The following SETD2 variants were observed in gnomAD, a reference collection of about 807,000 sequenced individuals.
SETD2 encodes the protein histone-lysine N-methyltransferase SETD2.
SETD2 carries 31 observed loss-of-function variants against 242.1 expected under a neutral mutation model. The observed-to-expected ratio is 0.13, with a 90% CI of 0.10 to 0.17. SETD2 has a LOEUF of 0.17. SETD2 is among the 10% of genes least tolerant of loss of function. The pLI, the probability that SETD2 is intolerant of heterozygous loss-of-function variation, is 1.00. For synonymous variants in SETD2, 1,006 were observed against 1,066.5 expected (o/e 0.94, Z 1.11); for missense variants, 2,481 against 3,046.3 (o/e 0.81, Z 4.37).
chr3:47,030,403 G>C (rs1347115712), intron 18 of SETD2, among the ~76,000 whole-genome samples: 2 of 152,052 alleles, frequency 1.3e-5, no homozygotes, highest in Non-Finnish European at 2.9e-5. Context: ...AGGGAGAAAA[G>C]AGCTGAAAAA....
At chr3:47,109,468 A>C (rs1182833165) in intron 5 of SETD2, among the ~76,000 whole-genome samples, 1 of 152,182 alleles carries the variant, frequency 6.6e-6, no homozygotes, top group Non-Finnish European at 1.5e-5. Context: ...CAACACGGCA[A>C]AACCCTGTCT....
chr3:47,148,215 CTG>C, intron 1 of SETD2, among the ~76,000 whole-genome samples: 1 of 152,088 alleles, frequency 6.6e-6, no homozygotes, highest in Non-Finnish European at 1.5e-5. Context: ...ACTGCAACCT[CTG>C]CCTCCTGGGT....
intron 1 of SETD2, among the ~76,000 whole-genome samples, chr3:47,150,517 C>A (rs981569704): frequency 6.6e-6 from 1 of 152,002 alleles, no homozygotes; most frequent in South Asian, 2.1e-4. Context: ...GATTACCCAT[C>A]CTGGAAAATA....
At chr3:47,099,500 C>T (rs1456895289) in intron 8 of SETD2, among the ~76,000 whole-genome samples, 1 of 152,166 alleles carries the variant, frequency 6.6e-6, no homozygotes, top group Non-Finnish European at 1.5e-5. Flanking sequence ...CATTATGAGG[C>T]ACACATTAGT....
At chr3:47,061,854 T>G (rs2107587534) in intron 14 of SETD2, among the ~76,000 whole-genome samples, 1 of 152,322 alleles carries the variant, frequency 6.6e-6, no homozygotes, top group South Asian at 2.1e-4. Flanking sequence ...AACCATTATC[T>G]TTGAAGACTT....
At chr3:47,063,109 C>T (rs1424605500) in intron 13 of SETD2, among the ~76,000 whole-genome samples, 2 of 152,096 alleles carry the variant, frequency 1.3e-5, no homozygotes, top group African/African-American at 4.8e-5. Context: ...CAAAAAGTTG[C>T]CCCTCCTTAT....
rs192586011 is a variant in SETD2, at chr3:47,077,106, A to G, written c.6060+6614T>C. On this transcript the variant is annotated intron_variant, in intron 12 of 20. Coordinates refer to ENST00000409792, the MANE Select transcript of SETD2 (RefSeq NM_014159.7). ...TGCTGTGCCTTATTTATTTTTCGAG[A>G]CAGAATCTCGCTGTGTCACCCAGGC... Among the ~76,000 whole-genome samples the G allele has an allele frequency of 2.0e-4, 31 of 152,294 alleles. No individual in the cohort carries two copies. The East Asian group carries it at 5.2e-3, about 26-fold the overall frequency.
At chr3:47,088,632 T>A (rs1028953954) in intron 9 of SETD2, among the ~76,000 whole-genome samples, 4 of 152,114 alleles carry the variant, frequency 2.6e-5, no homozygotes, top group Non-Finnish European at 5.9e-5. Flanking sequence ...ATAAATATGA[T>A]GAATGGGTTT....
rs147183299 is a variant in SETD2 at position 47,052,742 on chromosome 3, G to C, written c.6963+4079C>G. Among the ~76,000 whole-genome samples, 708 of 151,936 alleles carry C rather than the reference G, an allele frequency of 4.7e-3. 8 individuals are homozygous for C. The highest frequency in any genetic ancestry group is 0.017 in the African/African-American group (687 of 41,460). ...CTGAGGCAGGAGAATCTCGAACCTG[G>C]GAGGCAGAGGTTGCAATGAGTCGAG... is the stretch of plus-strand genomic sequence containing the variant. On this transcript the variant is annotated intron_variant, in intron 15 of 20. Coordinates refer to ENST00000409792, the MANE Select transcript of SETD2 (RefSeq NM_014159.7).
chr3:47,088,025 T>C (rs753970735), intron 10 of SETD2, 88 bp downstream of exon 10: 9 of 1,291,436 alleles, frequency 7.0e-6, no homozygotes, highest in Non-Finnish European at 9.5e-6. Context: ...AGACTAACTC[T>C]TATCAGAATT....
At chr3:47,075,858 CATCT>C (rs2041050987) in intron 12 of SETD2, among the ~76,000 whole-genome samples, 1 of 152,082 alleles carries the variant, frequency 6.6e-6, no homozygotes, top group Admixed American at 6.6e-5. Flanking sequence ...ATTTTCTGAC[CATCT>C]ATCAAATAAA....
Position 47,113,764 on chromosome 3 carries a change from G to T in SETD2, c.4715+112C>A, listed in dbSNP as rs935915753. ...TAAGGCAGGAGAATTGCTTGAATCC[G>T]GGAGGTAGAGGTTCCAGTGAGCCAA... On this transcript the variant is annotated intron_variant, in intron 5 of 20. Transcript: ENST00000409792. 2.2e-5 allele frequency: 21 copies of T among 953,802 alleles called. No homozygotes were observed. In the African/African-American group the frequency reaches 3.3e-4, roughly 15 times the overall value. 59.1% of individuals were successfully genotyped at this position (953,802 alleles called of 1,614,324 possible).
At chr3:47,110,614 CT>C (rs1035939233) in intron 5 of SETD2, among the ~76,000 whole-genome samples, 1 of 152,102 alleles carries the variant, frequency 6.6e-6, no homozygotes, top group Non-Finnish European at 1.5e-5. Context: ...ATTTCTCATC[CT>C]GTGTAGCTCT....
rs1025694699 is a variant in SETD2, at chr3:47,149,251, T to C, written c.71+14603A>G. Among the ~76,000 whole-genome samples the C allele has an allele frequency of 2.0e-5, 3 of 152,324 alleles. No individual in the cohort carries two copies. In the East Asian group the frequency reaches 5.8e-4, roughly 29 times the overall value. ...TAAATGAATATTACCCAAGTTCTGA[T>C]ATGCCACTAAACTAGCTAGTGAGCA... On this transcript the variant is annotated intron_variant, in intron 1 of 20. Transcript: ENST00000409792.
intron 12 of SETD2, among the ~76,000 whole-genome samples, chr3:47,079,371 ACACCCTCC>A (rs2041233608): frequency 6.6e-6 from 1 of 152,084 alleles, no homozygotes; most frequent in Non-Finnish European, 1.5e-5. Flanking sequence ...TATAATGTAT[ACACCCTCC>A]CACCTCTCAA....
At chr3:47,061,362 T>C (rs1301848388) in intron 14 of SETD2, among the ~76,000 whole-genome samples, 1 of 152,088 alleles carries the variant, frequency 6.6e-6, no homozygotes, top group Non-Finnish European at 1.5e-5. Context: ...CACCCGTTTA[T>C]AAACCAACTC....
Position 47,106,117 on chromosome 3 carries a change from G to T in SETD2, c.4719C>A (p.Asn1573Lys). Residue 1573 changes from asparagine (N) to lysine (K), a missense_variant, in exon 6 of 21, where the codon AAC (asparagine) becomes AAA (lysine). By Grantham distance (94) the Asn-to-Lys change is moderately conservative. This residue lies in a region of SETD2 where 61 missense variants were observed against 221.4 expected (regional missense o/e 0.28). Transcript: ENST00000409792. ...CTCCACAATATTCTAGGACAAAGGT[G>T]TTCCTGCAAACCAAAAGGAAAAAAA... ...GLRAAKDLPS[N>K]TFVLEYCGEV... The T allele has an allele frequency of 3.7e-6, 6 of 1,610,092 alleles. No homozygotes were observed. The highest frequency in any genetic ancestry group is 5.1e-6 in the Non-Finnish European group (6 of 1,177,490).
At chr3:47,124,632 GA>G in intron 2 of SETD2, 84 bp from the exon 3 acceptor site, 3 of 1,162,558 alleles carry the variant, frequency 2.6e-6, no homozygotes, top group Non-Finnish European at 3.6e-6. Flanking sequence ...GTTTACTGGA[GA>G]AATGAAAAGC....
intron 1 of SETD2, among the ~76,000 whole-genome samples, chr3:47,153,540 A>T (rs936418234): frequency 3.9e-5 from 6 of 152,194 alleles, no homozygotes; most frequent in South Asian, 2.1e-4. Flanking sequence ...CCTTGAAGCC[A>T]GGAGTTTGAG....
Sources: allele counts gnomAD v4.1 joint callset (sites outside exome capture counted in the v4.1 genomes callset), GRCh38; gene constraint gnomAD v4.1.1; regional missense constraint gnomAD v4.1.1; transcripts MANE v1.5; gene names NCBI Gene and HGNC (gene_info 2026-07-23, HGNC 2026-07-21).